The following CAPS2 variants were observed in gnomAD, a reference collection of about 807,000 sequenced individuals.
The protein encoded by CAPS2 is calcyphosin-2.
A neutral mutation model predicts 86.5 loss-of-function variants in CAPS2; 98 were observed. The observed-to-expected ratio is 1.13, with a 90% CI of 0.96 to 1.34. The LOEUF is 1.34. Ranked by LOEUF, CAPS2 falls within the 40% of genes most tolerant of loss-of-function variation. The pLI, the probability that CAPS2 is intolerant of heterozygous loss-of-function variation, is 0.00. For missense variants in CAPS2, 729 were observed against 686.8 expected (o/e 1.06, Z -0.69); for synonymous variants, 210 against 225.1 (o/e 0.93, Z 0.60).
At chr12:75,351,829 G>A (rs2139448406) in intron 1 of CAPS2, among the ~76,000 whole-genome samples, 1 of 152,314 alleles carries the variant, frequency 6.6e-6, no homozygotes, top group Non-Finnish European at 1.5e-5. Context: ...TTACAGGCAT[G>A]AGCCATCGTG....
At chr12:75,344,566 C>G (rs113096161) in intron 1 of CAPS2, among the ~76,000 whole-genome samples, 1,623 of 152,038 alleles carry the variant, frequency 0.011, 19 homozygotes, top group African/African-American at 0.032. Context: ...TTAATATTTT[C>G]CCTGCTAGCT....
chr12:75,329,938 CG>C, upstream of CAPS2: 1 of 1,343,044 alleles, frequency 7.4e-7, no homozygotes, highest in East Asian at 2.5e-5. Context: ...CTAACAAGCT[CG>C]GTAAGAAGAG....
intron 1 of CAPS2, chr12:75,371,591 GT>G: frequency 5.4e-6 from 1 of 186,088 alleles, no homozygotes. Context: ...CAATAATAAG[GT>G]TATAATTATG....
chr12:75,337,253 T>C (rs749894636), intron 1 of CAPS2, among the ~76,000 whole-genome samples: 5 of 151,690 alleles, frequency 3.3e-5, no homozygotes, highest in Non-Finnish European at 7.4e-5. Context: ...AAGATGATCA[T>C]AATTTGATGA....
intron 12 of CAPS2, among the ~76,000 whole-genome samples, chr12:75,292,118 G>C (rs748338770): frequency 2.6e-5 from 4 of 152,126 alleles, no homozygotes; most frequent in Non-Finnish European, 4.4e-5. Context: ...CCAGGCTGGA[G>C]TGCAGTGGCG....
At chr12:75,290,143 T>C (rs988164927) in intron 13 of CAPS2, among the ~76,000 whole-genome samples, 1 of 152,210 alleles carries the variant, frequency 6.6e-6, no homozygotes, top group African/African-American at 2.4e-5. Context: ...TAATCTGTTT[T>C]CCTTTTCTTA....
rs796066194 is a variant in CAPS2 at position 75,321,693 on chromosome 12, G to A, written c.292-117C>T. On this transcript the variant is annotated intron_variant, in intron 4 of 16. Transcript: ENST00000393284. The stretch of plus-strand genomic sequence containing the variant: ...CCATTCCTTAAAAATGACCATTATA[G>A]TCAATGTTCTAAGCAGAGATGGTAT... 33 of 723,816 alleles carry A rather than the reference G, an allele frequency of 4.6e-5. No homozygotes were observed. In the African/African-American group the frequency reaches 5.7e-4, roughly 13 times the overall value. The allele number at this position is 723,816 out of a possible 1,614,324, so 44.8% of individuals were successfully genotyped here. A position where few individuals can be genotyped will look rare whatever the true frequency, so the allele number is the denominator to read the frequency against.
At chr12:75,375,641 C>T (rs1360046024) in intron 1 of CAPS2, among the ~76,000 whole-genome samples, 3 of 152,172 alleles carry the variant, frequency 2.0e-5, no homozygotes, top group East Asian at 1.9e-4. Flanking sequence ...TTTGTCCACT[C>T]GACCTGAAAG....
chr12:75,286,189 T>A (rs2034839982), intron 14 of CAPS2, among the ~76,000 whole-genome samples: 1 of 152,044 alleles, frequency 6.6e-6, no homozygotes, highest in Admixed American at 6.6e-5. Context: ...CACTCCCTCC[T>A]ATTTTTTTCA....
downstream of CAPS2, chr12:75,276,563 G>T (rs372068805): frequency 2.0e-4 from 199 of 978,006 alleles, 2 homozygotes; most frequent in South Asian, 8.0e-3. Context: ...ACTATAATGT[G>T]ATTGCTCCAT....
intron 1 of CAPS2, among the ~76,000 whole-genome samples, chr12:75,353,771 C>T (rs1289273023): frequency 6.6e-6 from 1 of 152,186 alleles, no homozygotes; most frequent in African/African-American, 2.4e-5. Flanking sequence ...AATCCAGCAA[C>T]ACATCAAAAA....
intron 1 of CAPS2, among the ~76,000 whole-genome samples, chr12:75,378,811 C>T (rs1436164570): frequency 6.6e-6 from 1 of 152,154 alleles, no homozygotes; most frequent in African/African-American, 2.4e-5. Flanking sequence ...CACTGTAGAC[C>T]AGCCACATTG....
intron 1 of CAPS2, among the ~76,000 whole-genome samples, chr12:75,353,115 A>G (rs1403875728): frequency 1.3e-5 from 2 of 152,170 alleles, no homozygotes; most frequent in African/African-American, 4.8e-5. Flanking sequence ...CAAACCCCAA[A>G]GCTAGCAGAA....
intron 7 of CAPS2, among the ~76,000 whole-genome samples, chr12:75,310,943 A>T (rs1289646080): frequency 6.6e-6 from 1 of 151,972 alleles, no homozygotes; most frequent in Admixed American, 6.5e-5. Flanking sequence ...GCTTTTGCTC[A>T]TATACAACTG....
At chr12:75,303,122 C>G (rs1328889940) in intron 8 of CAPS2, among the ~76,000 whole-genome samples, 1 of 152,130 alleles carries the variant, frequency 6.6e-6, no homozygotes, top group Non-Finnish European at 1.5e-5. Context: ...CTATCAACCT[C>G]TGAATAGATA....
chr12:75,321,983 T>C (rs1376209532), intron 4 of CAPS2, among the ~76,000 whole-genome samples: 2 of 152,134 alleles, frequency 1.3e-5, no homozygotes, highest in Non-Finnish European at 2.9e-5. Flanking sequence ...GAAGGATTGG[T>C]TGTCATTTCT....
chr12:75,303,222 C>G (rs1375523382), intron 8 of CAPS2, among the ~76,000 whole-genome samples: 2 of 152,058 alleles, frequency 1.3e-5, no homozygotes, highest in Admixed American at 1.3e-4. Context: ...AACTCACAAA[C>G]CTAATGTTGG....
intron 8 of CAPS2, among the ~76,000 whole-genome samples, chr12:75,303,098 A>T (rs1231781694): frequency 6.6e-6 from 1 of 152,220 alleles, no homozygotes; most frequent in Non-Finnish European, 1.5e-5. Flanking sequence ...CACTATTCAC[A>T]AAGAGCCAAA....
chr12:75,287,080 A>G (rs1005250085), intron 14 of CAPS2, among the ~76,000 whole-genome samples: 2 of 150,820 alleles, frequency 1.3e-5, no homozygotes, highest in African/African-American at 4.9e-5. Context: ...ACACACACAC[A>G]AACACACACA....
Sources: gnomAD v4.1 joint callset for allele counts (sites outside exome capture counted in the v4.1 genomes callset) on GRCh38, gnomAD v4.1.1 for gene constraint, MANE v1.5 for transcripts, NCBI Gene and HGNC (gene_info 2026-07-23, HGNC 2026-07-21) for gene names.